RASGRF2: variants seen among roughly 807,000 people sequenced by gnomAD.
RASGRF2 encodes the protein Ras protein specific guanine nucleotide releasing factor 2.
A neutral mutation model predicts 151.0 loss-of-function variants in RASGRF2; 76 were observed. The ratio of observed to expected loss-of-function variants is 0.50; its 90% CI spans 0.42 to 0.61. The LOEUF (loss-of-function observed/expected upper bound fraction) is 0.61. Ranked by LOEUF, RASGRF2 falls within the 20% of genes least tolerant of loss-of-function variation. RASGRF2 has a pLI of 0.00. For synonymous variants in RASGRF2, 504 were observed against 566.5 expected, an observed-to-expected ratio of 0.89 and a Z score of 1.57; for missense variants, 1,148 against 1,564.6, an observed-to-expected ratio of 0.73 and a Z score of 4.49.
chr5:81,052,301 A>T (rs1751037257), intron 2 of RASGRF2, among the ~76,000 whole-genome samples: 2 of 152,244 alleles, frequency 1.3e-5, no homozygotes, highest in Admixed American at 1.3e-4. Context: ...ACCATTAGTG[A>T]TGTTCTGTTG....
chr5:81,086,496 G>A (rs1008536860), intron 8 of RASGRF2, among the ~76,000 whole-genome samples: 2 of 152,124 alleles, frequency 1.3e-5, no homozygotes, highest in East Asian at 3.8e-4. Context: ...TGGTCTAAAG[G>A]TCTCTTATTT....
intron 25 of RASGRF2, among the ~76,000 whole-genome samples, chr5:81,218,558 T>A (rs987947364): frequency 2.6e-5 from 4 of 152,348 alleles, no homozygotes; most frequent in Middle Eastern, 6.8e-3. Context: ...TTGGTCTACA[T>A]GCCTATTTTT....
At chr5:80,972,082 T>C (rs1417389787) in intron 1 of RASGRF2, among the ~76,000 whole-genome samples, 3 of 152,086 alleles carry the variant, frequency 2.0e-5, no homozygotes, top group African/African-American at 7.2e-5. Context: ...TACAAAGATT[T>C]CTTTATTCTG....
intron 24 of RASGRF2, among the ~76,000 whole-genome samples, chr5:81,216,590 T>C (rs575968144): frequency 6.6e-6 from 1 of 152,338 alleles, no homozygotes; most frequent in Non-Finnish European, 1.5e-5. Flanking sequence ...ATTTACTAAA[T>C]GACAGGTTTC....
In RASGRF2 at chr5:81,226,506, CTG is replaced by C. The variant is rs945786913; in HGVS notation, c.*738_*739del. The C allele has an allele frequency of 1.2e-4, 18 of 152,290 alleles. No homozygotes were observed. The highest frequency in any genetic ancestry group is 4.1e-4 in the African/African-American group (17 of 41,556). 9.4% of individuals were successfully genotyped at this position (152,290 alleles called of 1,614,324 possible). A position where few individuals can be genotyped will look rare whatever the true frequency, so the allele number is the denominator to read the frequency against. On this transcript the variant is annotated 3_prime_UTR_variant, in exon 27 of 27. Coordinates refer to ENST00000265080, the MANE Select transcript of RASGRF2 (RefSeq NM_006909.3). ...GTGGGTGGGGAGCTTTTCCTTGAGA[CTG>C]TTGGTCCTAAGAAGCCAGCCCTTTT...
chr5:81,107,931 G>A (rs1372132856), intron 12 of RASGRF2, among the ~76,000 whole-genome samples: 1 of 152,198 alleles, frequency 6.6e-6, no homozygotes, highest in African/African-American at 2.4e-5. Flanking sequence ...TAAGACATGA[G>A]GAAAACAAAG....
intron 2 of RASGRF2, among the ~76,000 whole-genome samples, chr5:81,055,677 A>G (rs1033754225): frequency 8.6e-5 from 13 of 151,962 alleles, no homozygotes; most frequent in African/African-American, 2.2e-4. Context: ...CTCTTTTTCT[A>G]TTGATTGGAA....
At chr5:81,003,218 C>CTTTTTT (rs1271321430) in intron 1 of RASGRF2, among the ~76,000 whole-genome samples, 9 of 97,864 alleles carry the variant, frequency 9.2e-5, no homozygotes, top group Non-Finnish European at 1.2e-4. Context: ...CCACACCTGG[C>CTTTTTT]TTTTTTTTTT....
chr5:81,016,390 G>A (rs1749637882), intron 1 of RASGRF2, among the ~76,000 whole-genome samples: 1 of 152,132 alleles, frequency 6.6e-6, no homozygotes, highest in South Asian at 2.1e-4. Flanking sequence ...AGATTTTTAT[G>A]ATAGGCTCTC....
chr5:81,098,515 A>G (rs945199920), intron 12 of RASGRF2, among the ~76,000 whole-genome samples: 4 of 152,184 alleles, frequency 2.6e-5, no homozygotes, highest in Non-Finnish European at 5.9e-5. Context: ...AGTGAAGAGG[A>G]CCAAGAAGGA....
At chr5:81,196,957 G>A (rs893436261) in intron 18 of RASGRF2, among the ~76,000 whole-genome samples, 22 of 152,230 alleles carry the variant, frequency 1.4e-4, no homozygotes, top group Middle Eastern at 6.8e-3. Flanking sequence ...GGAACCAAAG[G>A]AAAGAACACT....
chr5:81,008,205 C>T (rs1749339977), intron 1 of RASGRF2, among the ~76,000 whole-genome samples: 1 of 125,128 alleles, frequency 8.0e-6, no homozygotes, highest in Non-Finnish European at 1.6e-5. Flanking sequence ...GGCTGGAGTG[C>T]AGTGGCACAA....
intron 1 of RASGRF2, among the ~76,000 whole-genome samples, chr5:80,973,592 A>G (rs1432009992): frequency 6.6e-6 from 1 of 152,350 alleles, no homozygotes; most frequent in African/African-American, 2.4e-5. Flanking sequence ...CGAGCCAACC[A>G]GGCTGGCCTG....
In RASGRF2 at chr5:81,140,440, A is replaced by T. The variant is rs577843681; in HGVS notation, c.2686+13277A>T. 3.4e-3 allele frequency among the ~76,000 whole-genome samples: 518 copies of T among 152,190 alleles called. 7 individuals are homozygous for T. The highest frequency in any genetic ancestry group is 3.1e-3 in the Non-Finnish European group (212 of 68,004). ...CACACACACACACACACACACAGAC[A>T]CACACATGCACACACGCACACTCAC... is the stretch of plus-strand genomic sequence containing the variant. On this transcript the variant is annotated intron_variant, in intron 17 of 26. Coordinates refer to ENST00000265080, the MANE Select transcript of RASGRF2 (RefSeq NM_006909.3).
intron 1 of RASGRF2, among the ~76,000 whole-genome samples, chr5:81,035,819 G>A (rs1750470410): frequency 6.6e-6 from 1 of 152,174 alleles, no homozygotes; most frequent in Non-Finnish European, 1.5e-5. Context: ...TCCTATGGGA[G>A]TTACAGAAAG....
chr5:81,184,453 T>C (rs1754981873), intron 18 of RASGRF2, among the ~76,000 whole-genome samples: 1 of 152,206 alleles, frequency 6.6e-6, no homozygotes, highest in Non-Finnish European at 1.5e-5. Context: ...TATAGCAATT[T>C]TTGTTTTCCT....
intron 26 of RASGRF2, among the ~76,000 whole-genome samples, chr5:81,221,619 G>T (rs893708209): frequency 1.3e-5 from 2 of 152,172 alleles, no homozygotes; most frequent in Non-Finnish European, 2.9e-5. Flanking sequence ...GGGAGGCCAA[G>T]GCAAGAGAAT....
chr5:80,992,394 T>C (rs1748682938), intron 1 of RASGRF2, among the ~76,000 whole-genome samples: 1 of 152,184 alleles, frequency 6.6e-6, no homozygotes, highest in Admixed American at 6.5e-5. Flanking sequence ...ATTGACTTTT[T>C]TGAGGGTTTC....
At chr5:81,018,782 T>C (rs1271210817) in intron 1 of RASGRF2, among the ~76,000 whole-genome samples, 1 of 150,114 alleles carries the variant, frequency 6.7e-6, no homozygotes, top group Non-Finnish European at 1.5e-5. Flanking sequence ...AGAATTGCTG[T>C]CTGGTTTTGT....
Sources: gnomAD v4.1 joint callset for allele counts (sites outside exome capture counted in the v4.1 genomes callset) on GRCh38, gnomAD v4.1.1 for gene constraint, MANE v1.5 for transcripts, NCBI Gene and HGNC (gene_info 2026-07-23, HGNC 2026-07-21) for gene names.